RBM20: variants seen among roughly 807,000 people sequenced by gnomAD.
RBM20 encodes RNA binding motif protein 20.
A neutral mutation model predicts 110.1 loss-of-function variants in RBM20; 51 were observed. That is an observed-to-expected ratio of 0.46 (90% confidence interval 0.37 to 0.59). The LOEUF is 0.59. Among genes scored for constraint, RBM20 ranks in the 20% least tolerant of loss-of-function variants. The probability of loss-of-function intolerance (pLI) is 0.00; values close to 1 mark genes in which losing one functional copy is unlikely to be tolerated. For missense variants in RBM20, 1,512 were observed against 1,574.9 expected (o/e 0.96, Z 0.68); for synonymous variants, 589 against 618.2 (o/e 0.95, Z 0.70).
At chr10:110,785,036 T>A in intron 5 of RBM20, 147 bp downstream of exon 5, 1 of 612,210 alleles carries the variant, frequency 1.6e-6, no homozygotes, top group Non-Finnish European at 2.8e-6. Flanking sequence ...TCCCAAGTGA[T>A]CTTCCTGCCT....
chr10:110,666,595 A>G (rs913444070), intron 1 of RBM20, among the ~76,000 whole-genome samples: 5 of 152,166 alleles, frequency 3.3e-5, no homozygotes, highest in Non-Finnish European at 7.3e-5. Flanking sequence ...GCAGTGAGCT[A>G]TGATTATACC....
At chr10:110,796,187 C>G (rs1000465170) in intron 5 of RBM20, among the ~76,000 whole-genome samples, 1 of 152,214 alleles carries the variant, frequency 6.6e-6, no homozygotes, top group African/African-American at 2.4e-5. Context: ...TCTCATCTTA[C>G]TGCCTTCCCA....
chr10:110,699,005 C>T (rs142459345), intron 1 of RBM20, among the ~76,000 whole-genome samples: 1 of 152,274 alleles, frequency 6.6e-6, no homozygotes, highest in East Asian at 1.9e-4. Context: ...TACTTGGCTT[C>T]CTGACAGGGA....
intron 1 of RBM20, among the ~76,000 whole-genome samples, chr10:110,716,028 A>G (rs1227676027): frequency 6.6e-6 from 1 of 152,226 alleles, no homozygotes; most frequent in Admixed American, 6.5e-5. Flanking sequence ...ACTTGCAGCA[A>G]AGTTGTCTCA....
intron 1 of RBM20, among the ~76,000 whole-genome samples, chr10:110,649,553 G>A (rs1861917786): frequency 6.6e-6 from 1 of 152,140 alleles, no homozygotes; most frequent in Non-Finnish European, 1.5e-5. Context: ...CTCCCTGCCA[G>A]ACAAAAGCTT....
intron 1 of RBM20, among the ~76,000 whole-genome samples, chr10:110,751,093 G>A (rs1282267432): frequency 3.9e-5 from 6 of 152,180 alleles, no homozygotes; most frequent in African/African-American, 1.2e-4. Flanking sequence ...TTCCACTGGG[G>A]CTACATACTT....
chr10:110,763,906 T>G (rs1190155090), intron 1 of RBM20, among the ~76,000 whole-genome samples: 1 of 152,162 alleles, frequency 6.6e-6, no homozygotes, highest in African/African-American at 2.4e-5. Context: ...TGTAGGATTT[T>G]GTCAGCATCC....
intron 12 of RBM20, among the ~76,000 whole-genome samples, chr10:110,829,414 C>T (rs1229951662): frequency 6.6e-6 from 1 of 152,128 alleles, no homozygotes. Context: ...GAGTGAGGCC[C>T]TCTCACTTCT....
intron 1 of RBM20, among the ~76,000 whole-genome samples, chr10:110,693,508 C>T (rs916105026): frequency 6.6e-6 from 1 of 152,134 alleles, no homozygotes; most frequent in African/African-American, 2.4e-5. Context: ...TCTTTCTAGG[C>T]ATTCGTCCAT....
At chr10:110,750,686 T>G (rs1189721231) in intron 1 of RBM20, among the ~76,000 whole-genome samples, 1 of 152,218 alleles carries the variant, frequency 6.6e-6, no homozygotes, top group East Asian at 1.9e-4. Context: ...ATGAAATGTG[T>G]GCTCCCTGAC....
In RBM20 at chr10:110,781,570, A is replaced by C; in HGVS notation, c.961A>C (p.Ser321Arg). The change falls in exon 2 of 14, where the codon AGC (serine) becomes CGC (arginine). Residue 321 changes from serine to arginine, a missense_variant. This residue lies in a region of RBM20 where 1,149 missense variants were observed against 1,169.4 expected (regional missense o/e 0.98). Transcript: ENST00000369519. ...LLQGTNSQWE[S>R]PHGFSGQSKP... ...GCAGGGCACAAACAGCCAATGGGAG[A>C]GCCCCCATGGATTCTCGGGCCAAAG... 6.4e-7 allele frequency: 1 copy of C among 1,551,656 alleles called. No individual in the cohort carries two copies. The highest frequency in any genetic ancestry group is 8.7e-7 in the Non-Finnish European group (1 of 1,146,980).
intron 1 of RBM20, among the ~76,000 whole-genome samples, chr10:110,661,852 A>T (rs780330499): frequency 2.0e-5 from 3 of 152,074 alleles, no homozygotes; most frequent in Admixed American, 2.0e-4. Context: ...TCTACTAAAA[A>T]TACAAAAAAT....
rs78589009 is a variant in RBM20 at position 110,745,310 on chromosome 10, C to T, written c.192-35491C>T. On this transcript the variant is annotated intron_variant, in intron 1 of 13. Transcript: ENST00000369519. ...ATCCCAGGGATTTGATCCCTGCAGG[C>T]TGCATTTCCAGGCGCCTGCTGGGTT... 2.0e-5 allele frequency among the ~76,000 whole-genome samples: 3 copies of T among 152,270 alleles called. No homozygotes were observed. In the East Asian group the frequency reaches 5.8e-4, roughly 29 times the overall value.
intron 1 of RBM20, among the ~76,000 whole-genome samples, chr10:110,716,181 C>T (rs1367006524): frequency 4.6e-5 from 7 of 152,206 alleles, no homozygotes; most frequent in Non-Finnish European, 4.4e-5. Context: ...TTTTCTCTTT[C>T]CTAGTAATGA....
At chr10:110,718,600 A>G (rs750718690) in intron 1 of RBM20, among the ~76,000 whole-genome samples, 1 of 90,682 alleles carries the variant, frequency 1.1e-5, no homozygotes, top group Non-Finnish European at 2.3e-5. Context: ...ATATAATTCT[A>G]CTCCATTCTT....
chr10:110,822,584 G>A, intron 11 of RBM20: 1 of 419,154 alleles, frequency 2.4e-6, no homozygotes, highest in Non-Finnish European at 4.7e-6. Context: ...AGATCCATCA[G>A]GGGGTTTGGG....
chr10:110,804,369 G>T (rs1162118549), intron 7 of RBM20, among the ~76,000 whole-genome samples: 2 of 152,228 alleles, frequency 1.3e-5, no homozygotes, highest in Admixed American at 1.3e-4. Context: ...GTATCCATGT[G>T]TGTCTCTGGG....
At chr10:110,816,166 T>C (rs1844835036) in intron 9 of RBM20, among the ~76,000 whole-genome samples, 1 of 152,100 alleles carries the variant, frequency 6.6e-6, no homozygotes, top group Non-Finnish European at 1.5e-5. Flanking sequence ...CCACAAGTCT[T>C]CCTGGCTTGC....
intron 1 of RBM20, among the ~76,000 whole-genome samples, chr10:110,674,827 C>A (rs1178168253): frequency 1.3e-5 from 2 of 152,210 alleles, no homozygotes; most frequent in African/African-American, 4.8e-5. Flanking sequence ...AATTCTCCCA[C>A]CGGAGGATAT....
Sources: gnomAD v4.1 joint callset for allele counts (sites outside exome capture counted in the v4.1 genomes callset) on GRCh38, gnomAD v4.1.1 for gene constraint, gnomAD v4.1.1 regional missense constraint, MANE v1.5 for transcripts, NCBI Gene and HGNC (gene_info 2026-07-23, HGNC 2026-07-21) for gene names.